The following PDE4D variants were observed in gnomAD, a reference collection of about 807,000 sequenced individuals.
PDE4D encodes 3',5'-cyclic-AMP phosphodiesterase 4D.
In PDE4D, 24 loss-of-function variants were observed where a neutral mutation model predicts 87.4. That is an observed-to-expected ratio of 0.27 (90% CI 0.20 to 0.39). PDE4D has a LOEUF of 0.39. PDE4D is among the 10% of genes least tolerant of loss of function. PDE4D has a pLI of 1.00. For synonymous variants in PDE4D, 384 were observed against 383.2 expected (o/e 1.00, Z -0.02); for missense variants, 714 against 1,041.0 (o/e 0.69, Z 4.32).
intron 1 of PDE4D, among the ~76,000 whole-genome samples, chr5:59,648,540 A>T (rs1742849027): frequency 6.6e-6 from 1 of 152,112 alleles, no homozygotes; most frequent in Non-Finnish European, 1.5e-5. Flanking sequence ...TTATGAAAAC[A>T]CTCTTAAATA....
At chr5:59,257,068 T>C (rs1761121151) in intron 1 of PDE4D, among the ~76,000 whole-genome samples, 1 of 152,066 alleles carries the variant, frequency 6.6e-6, no homozygotes, top group Non-Finnish European at 1.5e-5. Context: ...ATAAATGTTA[T>C]GATGTTGAAA....
In PDE4D at chr5:59,180,622, G is replaced by T. The variant is rs749222606; in HGVS notation, c.781C>A (p.Pro261Thr). ...PSKRSPMCNQ[P>T]SINKATITEE... is the part of the protein sequence containing the mutation. ...GTTATGGTGGCTTTGTTGATGGATG[G>T]TTGGTTGCACATGGGTGATCTTCTG... Residue 261 changes from proline (P) to threonine (T), a missense_variant, in exon 5 of 15, where the codon CCA (proline) becomes ACA (threonine). Around this residue, in one of 7 missense-constraint regions of PDE4D, gnomAD observed 90 missense variants for 177.6 expected, o/e 0.51. Coordinates refer to ENST00000340635, the MANE Select transcript of PDE4D (RefSeq NM_001104631.2). 74 of 1,613,186 alleles carry T rather than the reference G, an allele frequency of 4.6e-5. No homozygotes were observed. The highest frequency in any genetic ancestry group is 5.9e-5 in the Non-Finnish European group (70 of 1,179,576).
chr5:60,355,469 AC>A (rs1442270633), intron 1 of PDE4D, among the ~76,000 whole-genome samples: 1 of 152,100 alleles, frequency 6.6e-6, no homozygotes, highest in Non-Finnish European at 1.5e-5. Context: ...ATTCAGATTG[AC>A]CTCTAAGTTC....
Position 59,334,938 on chromosome 5 carries a change from AT to A in PDE4D, c.456-118971del, listed in dbSNP as rs560802034. ...TATGTTTTTCCTTTTCCTGAAACCCATTTGCCTCTGCTTTTCACTTGGCTAA... is the reference window on the plus strand; with the variant it reads ...TATGTTTTTCCTTTTCCTGAAACCCATTGCCTCTGCTTTTCACTTGGCTAA... On this transcript the variant is annotated intron_variant, in intron 1 of 14. Coordinates refer to ENST00000340635, the MANE Select transcript of PDE4D (RefSeq NM_001104631.2). Among the ~76,000 whole-genome samples, 439 of 152,048 alleles carry A rather than the reference AT, an allele frequency of 2.9e-3. 1 individual carries two copies. The highest frequency in any genetic ancestry group is 0.01 in the African/African-American group (423 of 41,490).
chr5:59,518,325 G>A (rs1160305600), intron 1 of PDE4D, among the ~76,000 whole-genome samples: 1 of 151,628 alleles, frequency 6.6e-6, no homozygotes, highest in African/African-American at 2.4e-5. Flanking sequence ...AAAAAATAAA[G>A]CACGCTCGAG....
At chr5:59,858,618 A>G (rs1745808627) in intron 1 of PDE4D, among the ~76,000 whole-genome samples, 1 of 152,164 alleles carries the variant, frequency 6.6e-6, no homozygotes, top group Non-Finnish European at 1.5e-5. Flanking sequence ...GCCAGCTCAC[A>G]TAGATGTCTG....
intron 1 of PDE4D, among the ~76,000 whole-genome samples, chr5:59,593,042 T>G (rs1358389087): frequency 6.6e-6 from 1 of 151,808 alleles, no homozygotes; most frequent in Non-Finnish European, 1.5e-5. Flanking sequence ...TAAAATTTGC[T>G]TAGTAAAATA....
chr5:59,869,731 A>G (rs1747547523), intron 1 of PDE4D, among the ~76,000 whole-genome samples: 1 of 152,176 alleles, frequency 6.6e-6, no homozygotes, highest in Admixed American at 6.5e-5. Flanking sequence ...AAAGTGGAAT[A>G]TAACATTTCA....
At chr5:59,813,660 T>G (rs1768634364) in intron 1 of PDE4D, among the ~76,000 whole-genome samples, 1 of 152,202 alleles carries the variant, frequency 6.6e-6, no homozygotes. Flanking sequence ...ACTAAGAGTC[T>G]AGCAGGGGAA....
intron 1 of PDE4D, among the ~76,000 whole-genome samples, chr5:59,809,480 A>G (rs2152676910): frequency 6.6e-6 from 1 of 152,316 alleles, no homozygotes; most frequent in East Asian, 1.9e-4. Context: ...AGAAGACAGT[A>G]CTAGAATAAA....
At chr5:59,091,250 A>G (rs1768671634) in intron 5 of PDE4D, 3 of 394,914 alleles carry the variant, frequency 7.6e-6, no homozygotes, top group South Asian at 5.9e-5. Context: ...GAAGTTAAAG[A>G]TATGCATGAC....
At chr5:59,268,143 T>C (rs1044755210) in intron 1 of PDE4D, among the ~76,000 whole-genome samples, 16 of 152,094 alleles carry the variant, frequency 1.1e-4, no homozygotes, top group African/African-American at 3.1e-4. Flanking sequence ...CTAACTCTTA[T>C]TCTGAAGAGC....
At chr5:60,359,144 C>T (rs943092722) in intron 1 of PDE4D, among the ~76,000 whole-genome samples, 6 of 152,260 alleles carry the variant, frequency 3.9e-5, no homozygotes, top group South Asian at 2.1e-4. Flanking sequence ...CTGTGGCTCA[C>T]GCCTGTAGTC....
At chr5:60,517,503 T>C (rs1486193968) in intron 1 of PDE4D, among the ~76,000 whole-genome samples, 1 of 152,166 alleles carries the variant, frequency 6.6e-6, no homozygotes, top group East Asian at 1.9e-4. Flanking sequence ...CTGAAGCCCA[T>C]AAAACTCCCT....
intron 1 of PDE4D, among the ~76,000 whole-genome samples, chr5:59,780,469 GT>G (rs1764506286): frequency 6.6e-6 from 1 of 152,178 alleles, no homozygotes; most frequent in Non-Finnish European, 1.5e-5. Context: ...TTATAGAAGG[GT>G]TTTGAGAAGG....
intron 5 of PDE4D, among the ~76,000 whole-genome samples, chr5:59,156,316 A>ATATATATATATAT (rs1554082861): frequency 1.8e-4 from 4 of 22,610 alleles, no homozygotes; most frequent in Admixed American, 3.8e-4. Context: ...CCAGAAAAAA[A>ATATATATATATAT]AAAAATATAT....
rs575055205 is a variant in PDE4D at position 59,954,279 on chromosome 5, C to T, written c.272+34209G>A. On this transcript the variant is annotated intron_variant, in intron 3 of 16. Transcript: ENST00000502484. ...AAGAAATGATATGGTGACAATTATTCTTGGCATGGGTTTGAGAAGAAATGA... is the reference window on the plus strand; with the variant it reads ...AAGAAATGATATGGTGACAATTATTTTTGGCATGGGTTTGAGAAGAAATGA... 4.6e-5 allele frequency among the ~76,000 whole-genome samples: 7 copies of T among 152,244 alleles called. No individual in the cohort carries two copies. In the East Asian group the frequency reaches 1.4e-3, roughly 29 times the overall value.
At chr5:60,353,709 G>A (rs1210045223) in intron 1 of PDE4D, among the ~76,000 whole-genome samples, 2 of 152,152 alleles carry the variant, frequency 1.3e-5, no homozygotes, top group Non-Finnish European at 2.9e-5. Context: ...AATGGATGTT[G>A]AGAGATAATC....
At chr5:59,299,828 G>A (rs971665247) in intron 1 of PDE4D, among the ~76,000 whole-genome samples, 3 of 152,102 alleles carry the variant, frequency 2.0e-5, no homozygotes, top group Non-Finnish European at 2.9e-5. Context: ...AAAAATGCTC[G>A]CCCAGGCGCA....
Sources: gnomAD v4.1 joint callset for allele counts (sites outside exome capture counted in the v4.1 genomes callset) on GRCh38, gnomAD v4.1.1 for gene constraint, gnomAD v4.1.1 regional missense constraint, MANE v1.5 for transcripts, NCBI Gene and HGNC (gene_info 2026-07-23, HGNC 2026-07-21) for gene names.